The following SLC9A2 variants were observed in gnomAD, a reference collection of about 807,000 sequenced individuals.
The protein encoded by SLC9A2 is sodium/hydrogen exchanger 2.
A neutral mutation model predicts 71.7 loss-of-function variants in SLC9A2; 42 were observed. The ratio of observed to expected loss-of-function variants is 0.59; its 90% CI spans 0.46 to 0.76. The LOEUF is 0.76. Among genes scored for constraint, SLC9A2 ranks in the 30% least tolerant of loss-of-function variants. The probability of loss-of-function intolerance (pLI) is 0.00; values close to 1 mark genes in which losing one functional copy is unlikely to be tolerated. For missense variants in SLC9A2, 829 were observed against 1,017.4 expected (o/e 0.81, Z 2.52); for synonymous variants, 396 against 392.5 (o/e 1.01, Z -0.10).
rs1391209970 is a variant in SLC9A2 at position 102,665,315 on chromosome 2, C to G, written c.969C>G (p.Ile323Met). 6.2e-7 allele frequency: 1 copy of G among 1,613,910 alleles called. No homozygotes were observed. Among genetic ancestry groups the G allele is most frequent in the Admixed American group, 1.7e-5 (1 of 60,004 alleles). Reference protein sequence around the residue: ...FVFLYSYLSYITAEMFHLSGI... With the variant: ...FVFLYSYLSYMTAEMFHLSGI... ...TCCTGTACAGTTATTTGTCCTACAT[C>G]ACAGCTGAAATGTTTCACCTCTCAG... The change falls in exon 3 of 12, where the codon ATC becomes ATG. Residue 323 changes from isoleucine to methionine, a missense_variant. Coordinates refer to ENST00000233969, the MANE Select transcript of SLC9A2 (RefSeq NM_003048.6).
intron 2 of SLC9A2, 35 bp downstream of exon 2, chr2:102,658,062 TG>T: frequency 6.6e-7 from 1 of 1,523,804 alleles, no homozygotes. Context: ...CTCCAACAGG[TG>T]GGGGCTGCCC....
Position 102,620,038 on chromosome 2 carries a change from G to C in SLC9A2, c.190G>C (p.Glu64Gln), listed in dbSNP as rs750110204. 2 of 1,614,104 alleles carry C rather than the reference G, an allele frequency of 1.2e-6. No homozygotes were observed. Among genetic ancestry groups the C allele is most frequent in the Non-Finnish European group, 1.7e-6 (2 of 1,180,024 alleles). ...GGTGGCTCCCGGAACGACGCTGTTC[G>C]AGGAGAGCCGGCTGCCTGTGTTTAC... Reference protein sequence around the residue: ...SVVAPGTTLFEESRLPVFTLD... With the variant: ...SVVAPGTTLFQESRLPVFTLD... Residue 64 changes from glutamate to glutamine, a missense_variant, in exon 1 of 12, where the codon GAG becomes CAG. Glu to Gln is a conservative substitution (Grantham distance 29). This residue lies in a region of SLC9A2 where 106 missense variants were observed against 93.5 expected (regional missense o/e 1.13). Transcript: ENST00000233969.
chr2:102,633,289 G>T (rs1195840387), intron 1 of SLC9A2, among the ~76,000 whole-genome samples: 1 of 152,120 alleles, frequency 6.6e-6, no homozygotes, highest in African/African-American at 2.4e-5. Context: ...AAGTGGCAGA[G>T]GTGGGGCCAC....
intron 11 of SLC9A2, among the ~76,000 whole-genome samples, chr2:102,706,457 G>C (rs1169238862): frequency 6.6e-6 from 1 of 152,082 alleles, no homozygotes; most frequent in East Asian, 1.9e-4. Flanking sequence ...GATAGCATTA[G>C]GAGATATACC....
At position 102,632,043 on chromosome 2, in the gene SLC9A2, C is replaced by T. The variant is rs868538503; in HGVS notation, c.289+11906C>T. 2.3e-3 allele frequency among the ~76,000 whole-genome samples: 211 copies of T among 91,796 alleles called. 10 individuals are homozygous for T. Among genetic ancestry groups the T allele is most frequent in the African/African-American group, 0.015 (192 of 12,986 alleles). 60.2% of individuals were successfully genotyped at this position (91,796 alleles called of 152,430 possible). ...ATATATATATATATATATATACATACACACACACATATATATACACACACA... is the reference window on the plus strand; with the variant it reads ...ATATATATATATATATATATACATATACACACACATATATATACACACACA... On this transcript the variant is annotated intron_variant, in intron 1 of 11. Transcript: ENST00000233969.
intron 1 of SLC9A2, among the ~76,000 whole-genome samples, chr2:102,653,122 A>G (rs1049995334): frequency 6.6e-6 from 1 of 152,198 alleles, no homozygotes; most frequent in African/African-American, 2.4e-5. Flanking sequence ...ATGTTACACA[A>G]CACAGTTTCT....
At position 102,634,457 on chromosome 2, in the gene SLC9A2, T is replaced by C. The variant is rs141555653; in HGVS notation, c.289+14320T>C. ...CTTCTTCGTTAGGTTGTTGTGAGGA[T>C]AGAGTTAACACATTTACAACAGTTG... On this transcript the variant is annotated intron_variant, in intron 1 of 11. Coordinates refer to ENST00000233969, the MANE Select transcript of SLC9A2 (RefSeq NM_003048.6). Among the ~76,000 whole-genome samples the C allele has an allele frequency of 2.8e-4, 43 of 152,320 alleles. No individual in the cohort carries two copies. In the East Asian group the frequency reaches 8.3e-3, roughly 29 times the overall value.
rs1465111349 is a variant in SLC9A2 at position 102,709,230 on chromosome 2, G to A, written c.*741G>A. Reference sequence around the variant, plus strand: ...CATTTCTTCTTCTTGTTTAAATGGTGCAGAGAGAAAGGTTGCCCAGACATC... The same window carrying A: ...CATTTCTTCTTCTTGTTTAAATGGTACAGAGAGAAAGGTTGCCCAGACATC... On this transcript the variant is annotated 3_prime_UTR_variant, in exon 12 of 12. Coordinates refer to ENST00000233969, the MANE Select transcript of SLC9A2 (RefSeq NM_003048.6). 1 of 152,440 alleles carries A rather than the reference G, an allele frequency of 6.6e-6. No homozygotes were observed. The highest frequency in any genetic ancestry group is 1.5e-5 in the Non-Finnish European group (1 of 68,104). The allele number at this position is 152,440 out of a possible 1,614,324, so 9.4% of individuals were successfully genotyped here. A position where few individuals can be genotyped will look rare whatever the true frequency, so the allele number is the denominator to read the frequency against.
At chr2:102,676,203 T>C (rs564647067) in intron 3 of SLC9A2, among the ~76,000 whole-genome samples, 4 of 152,348 alleles carry the variant, frequency 2.6e-5, no homozygotes, top group African/African-American at 7.2e-5. Context: ...GTAGCCCACA[T>C]AGACCAGGAG....
intron 3 of SLC9A2, among the ~76,000 whole-genome samples, chr2:102,675,007 C>T (rs1004054352): frequency 1.3e-5 from 2 of 152,172 alleles, no homozygotes; most frequent in Non-Finnish European, 2.9e-5. Flanking sequence ...CTGTGATTGG[C>T]CCTGGGGTTT....
chr2:102,649,765 A>G (rs1676796579), intron 1 of SLC9A2, among the ~76,000 whole-genome samples: 1 of 152,248 alleles, frequency 6.6e-6, no homozygotes, highest in Admixed American at 6.5e-5. Flanking sequence ...CAAAACCCCG[A>G]GATACCATCT....
intron 7 of SLC9A2, among the ~76,000 whole-genome samples, chr2:102,695,374 G>C (rs1459390142): frequency 6.6e-6 from 1 of 152,160 alleles, no homozygotes; most frequent in Non-Finnish European, 1.5e-5. Flanking sequence ...GACTCCCCCA[G>C]GGTCCGAGGA....
Position 102,710,631 on chromosome 2 carries a change from G to A in SLC9A2, c.*2142G>A, listed in dbSNP as rs1558728183. On this transcript the variant is annotated 3_prime_UTR_variant, in exon 12 of 12. Transcript: ENST00000233969. ...TTTAAATTTTTTTTGTTTGTTGAAT[G>A]ACAAAGGCAATAAAAATAAATTTGA... The A allele has an allele frequency of 1.4e-5, 2 of 147,106 alleles. No homozygotes were observed. Among genetic ancestry groups the A allele is most frequent in the Non-Finnish European group, 2.9e-5 (2 of 67,908 alleles). 9.1% of individuals were successfully genotyped at this position (147,106 alleles called of 1,614,324 possible).
At chr2:102,699,143 A>C (rs947079481) in intron 7 of SLC9A2, among the ~76,000 whole-genome samples, 3 of 152,182 alleles carry the variant, frequency 2.0e-5, no homozygotes, top group African/African-American at 7.2e-5. Flanking sequence ...GGTTGTGTGC[A>C]ATTCTAACAG....
At chr2:102,625,234 C>G (rs1302563723) in intron 1 of SLC9A2, among the ~76,000 whole-genome samples, 2 of 152,198 alleles carry the variant, frequency 1.3e-5, no homozygotes, top group Non-Finnish European at 2.9e-5. Flanking sequence ...CATCTTCTCT[C>G]TAAAAACCAA....
chr2:102,628,849 GTTT>G (rs1676303590), intron 1 of SLC9A2, among the ~76,000 whole-genome samples: 1 of 151,972 alleles, frequency 6.6e-6, no homozygotes, highest in African/African-American at 2.4e-5. Flanking sequence ...ATGCCCAGTT[GTTT>G]TTTATTTTAT....
chr2:102,676,135 G>C (rs1199305294), intron 3 of SLC9A2, among the ~76,000 whole-genome samples: 1 of 152,188 alleles, frequency 6.6e-6, no homozygotes, highest in African/African-American at 2.4e-5. Context: ...AAAGTATTCT[G>C]TGTATGTGTC....
intron 1 of SLC9A2, among the ~76,000 whole-genome samples, chr2:102,653,575 T>C (rs1005927277): frequency 6.6e-6 from 1 of 152,240 alleles, no homozygotes; most frequent in Non-Finnish European, 1.5e-5. Context: ...CATTGGCCTC[T>C]GTAATGCATT....
intron 3 of SLC9A2, among the ~76,000 whole-genome samples, chr2:102,675,518 C>A (rs1385411250): frequency 6.6e-6 from 1 of 152,106 alleles, no homozygotes; most frequent in Admixed American, 6.5e-5. Flanking sequence ...GGTCACGGCT[C>A]CAGTCTGACT....
Sources: gnomAD v4.1 joint callset for allele counts (sites outside exome capture counted in the v4.1 genomes callset) on GRCh38, gnomAD v4.1.1 for gene constraint, gnomAD v4.1.1 regional missense constraint, MANE v1.5 for transcripts, NCBI Gene and HGNC (gene_info 2026-07-23, HGNC 2026-07-21) for gene names.